Variants in PPP2R2B observed in about 807,000 individuals in gnomAD.
PPP2R2B encodes the protein serine/threonine-protein phosphatase 2A 55 kDa regulatory subunit B beta isoform.
PPP2R2B carries 5 observed loss-of-function variants against 46.0 expected under a neutral mutation model. The ratio of observed to expected loss-of-function variants is 0.11; its 90% CI spans 0.06 to 0.23. The LOEUF (loss-of-function observed/expected upper bound fraction) is 0.23, where lower values mean the gene tolerates loss of function less well. Among genes scored for constraint, PPP2R2B ranks in the 10% least tolerant of loss-of-function variants. The pLI is 1.00. For synonymous variants in PPP2R2B, 215 were observed against 206.7 expected, an observed-to-expected ratio of 1.04 and a Z score of -0.34; for missense variants, 367 against 575.0, an observed-to-expected ratio of 0.64 and a Z score of 3.70.
intron 2 of PPP2R2B, among the ~76,000 whole-genome samples, chr5:146,716,556 T>A (rs906945977): frequency 6.6e-6 from 1 of 152,188 alleles, no homozygotes; most frequent in African/African-American, 2.4e-5. Context: ...AATATGCATG[T>A]ACTTATATTT....
At chr5:146,926,837 A>G (rs1763797610) in intron 1 of PPP2R2B, among the ~76,000 whole-genome samples, 1 of 152,172 alleles carries the variant, frequency 6.6e-6, no homozygotes, top group South Asian at 2.1e-4. Flanking sequence ...TCCACTGCCC[A>G]TATGCACAGC....
intron 2 of PPP2R2B, among the ~76,000 whole-genome samples, chr5:146,817,788 C>G (rs1758018388): frequency 6.6e-6 from 1 of 152,222 alleles, no homozygotes; most frequent in South Asian, 2.1e-4. Context: ...CATCTAGGCT[C>G]AGTTTCATTT....
Position 146,691,257 on chromosome 5 carries a change from G to A in PPP2R2B, c.335-17C>T, listed in dbSNP as rs758529600. On this transcript the variant is annotated splice_polypyrimidine_tract_variant and intron_variant, in intron 4 of 9. Transcript: ENST00000394411. ...CAGTTTTATCTGTAGTGGGCAACCA[G>A]ATTAAGTCAGAATTATAGTGAAAAG... is the stretch of plus-strand genomic sequence containing the variant. 4 of 1,605,224 alleles carry A rather than the reference G, an allele frequency of 2.5e-6. No individual in the cohort carries two copies. The highest frequency in any genetic ancestry group is 3.4e-6 in the Non-Finnish European group (4 of 1,172,808).
rs181405746 is a variant in PPP2R2B at position 146,833,156 on chromosome 5, A to C, written c.70+44846T>G. Among the ~76,000 whole-genome samples, 276 of 152,242 alleles carry C rather than the reference A, an allele frequency of 1.8e-3. 2 individuals carry two copies. Among genetic ancestry groups the C allele is most frequent in the African/African-American group, 6.2e-3 (257 of 41,524 alleles). ...ACATTATGATTTCTGAAATTTCCAC[A>C]TTAGCTCATCACTTCAAAATGCCTT... is the stretch of plus-strand genomic sequence containing the variant. On this transcript the variant is annotated intron_variant, in intron 2 of 9. Coordinates refer to ENST00000394411, the MANE Select transcript of PPP2R2B (RefSeq NM_181675.4).
At chr5:146,732,171 C>T (rs774066334) in intron 2 of PPP2R2B, among the ~76,000 whole-genome samples, 12 of 152,212 alleles carry the variant, frequency 7.9e-5, no homozygotes, top group South Asian at 4.1e-4. Flanking sequence ...TTCTAACTTA[C>T]GGTGAAAGGT....
chr5:146,927,752 T>C (rs1291669076), intron 1 of PPP2R2B, among the ~76,000 whole-genome samples: 1 of 151,460 alleles, frequency 6.6e-6, no homozygotes, highest in Non-Finnish European at 1.5e-5. Context: ...TTTTTTTTTT[T>C]AGATGGAGTC....
At chr5:146,843,955 T>G (rs1351847974) in intron 2 of PPP2R2B, among the ~76,000 whole-genome samples, 12 of 150,360 alleles carry the variant, frequency 8.0e-5, no homozygotes, top group Admixed American at 3.3e-4. Context: ...TAGTCCTTTG[T>G]GTATATACCC....
At chr5:146,836,952 CAAATA>C (rs1759323095) in intron 2 of PPP2R2B, among the ~76,000 whole-genome samples, 1 of 152,188 alleles carries the variant, frequency 6.6e-6, no homozygotes, top group African/African-American at 2.4e-5. Flanking sequence ...CTTCATTCAA[CAAATA>C]TGTATTGAAC....
intron 2 of PPP2R2B, among the ~76,000 whole-genome samples, chr5:146,805,093 GAGA>G (rs1757096212): frequency 6.6e-6 from 1 of 152,194 alleles, no homozygotes; most frequent in Admixed American, 6.5e-5. Flanking sequence ...TTATTGCAAG[GAGA>G]AGGATTTAAT....
chr5:146,633,251 C>T (rs1774559810), intron 7 of PPP2R2B, among the ~76,000 whole-genome samples: 1 of 152,176 alleles, frequency 6.6e-6, no homozygotes, highest in Non-Finnish European at 1.5e-5. Context: ...CACGGTTCTC[C>T]TCGGCATTTT....
intron 5 of PPP2R2B, among the ~76,000 whole-genome samples, chr5:146,654,813 G>A (rs1776212924): frequency 6.6e-6 from 1 of 152,144 alleles, no homozygotes; most frequent in Non-Finnish European, 1.5e-5. Flanking sequence ...TCTGCTTCCT[G>A]TCCCAGACTT....
chr5:146,792,561 G>A (rs1407339131), intron 2 of PPP2R2B, among the ~76,000 whole-genome samples: 3 of 152,158 alleles, frequency 2.0e-5, no homozygotes, highest in Admixed American at 6.5e-5. Flanking sequence ...GGTGACTATG[G>A]GAAAGCAGAA....
intron 2 of PPP2R2B, among the ~76,000 whole-genome samples, chr5:147,070,367 A>G (rs1349840001): frequency 6.6e-6 from 1 of 152,242 alleles, no homozygotes; most frequent in Non-Finnish European, 1.5e-5. Flanking sequence ...CTAAAAATAA[A>G]TATACTAAGA....
chr5:146,689,102 A>G lies in PPP2R2B; in HGVS notation c.447+2026T>C, dbSNP rs560807784. On this transcript the variant is annotated intron_variant, in intron 5 of 9. Coordinates refer to ENST00000394411, the MANE Select transcript of PPP2R2B (RefSeq NM_181675.4). ...ATAGGCCCACTATCAGTAGGGGGTA[A>G]TAATAGCCATGATGACGATGATGTT... is the stretch of plus-strand genomic sequence containing the variant. 6.6e-5 allele frequency among the ~76,000 whole-genome samples: 10 copies of G among 152,314 alleles called. No homozygotes were observed. In the South Asian group the frequency reaches 1.9e-3, roughly 28 times the overall value.
intron 2 of PPP2R2B, among the ~76,000 whole-genome samples, chr5:146,804,669 G>T (rs1014894607): frequency 2.6e-5 from 4 of 152,154 alleles, no homozygotes; most frequent in African/African-American, 9.7e-5. Context: ...AAACTGAAGT[G>T]AGGATGGAGA....
intron 2 of PPP2R2B, among the ~76,000 whole-genome samples, chr5:146,763,719 G>A (rs978357293): frequency 6.6e-6 from 1 of 152,094 alleles, no homozygotes; most frequent in African/African-American, 2.4e-5. Context: ...ACCCAAAAAT[G>A]AGTTAAGACA....
upstream of PPP2R2B, among the ~76,000 whole-genome samples, chr5:146,880,642 G>A (rs1762135917): frequency 6.6e-6 from 1 of 152,174 alleles, no homozygotes; most frequent in South Asian, 2.1e-4. Flanking sequence ...TCTGAATCAA[G>A]GGCTAGATTG....
chr5:147,003,967 G>A lies in PPP2R2B; in HGVS notation c.79+51698C>T, dbSNP rs571811145. ...TATCAGGAGAAAGCTCCAAAAGTGA[G>A]CCCTGGGCCCTGAACAAAATCTGGA... On this transcript the variant is annotated intron_variant, in intron 1 of 8. Coordinates refer to the PPP2R2B transcript ENST00000336640. 9.9e-5 allele frequency among the ~76,000 whole-genome samples: 15 copies of A among 152,220 alleles called. No homozygotes were observed. The South Asian group carries it at 2.7e-3, about 27-fold the overall frequency.
intron 1 of PPP2R2B, among the ~76,000 whole-genome samples, chr5:147,031,834 C>T (rs944863805): frequency 2.0e-5 from 3 of 152,080 alleles, no homozygotes; most frequent in African/African-American, 4.8e-5. Context: ...GGGATAATTG[C>T]CTAGCCACAT....
Sources: allele counts gnomAD v4.1 joint callset (sites outside exome capture counted in the v4.1 genomes callset), GRCh38; gene constraint gnomAD v4.1.1; transcripts MANE v1.5; gene names NCBI Gene and HGNC (gene_info 2026-07-23, HGNC 2026-07-21).